Variants in RLIM observed in about 807,000 individuals in gnomAD.
The protein encoded by RLIM is ring finger protein, LIM domain interacting, also known as E3 ubiquitin-protein ligase RLIM.
Under a neutral mutation model 34.0 loss-of-function variants are expected in RLIM, and 2 were observed. The observed-to-expected ratio is 0.06, with a 90% CI of 0.02 to 0.19. The LOEUF is 0.19. Ranked by LOEUF, RLIM falls within the 10% of genes least tolerant of loss-of-function variation. The probability of loss-of-function intolerance (pLI) is 1.00; values close to 1 mark genes in which losing one functional copy is unlikely to be tolerated. For synonymous variants in RLIM, 169 were observed against 164.0 expected, an observed-to-expected ratio of 1.03 and a Z score of -0.23; for missense variants, 286 against 479.7, an observed-to-expected ratio of 0.60 and a Z score of 3.77.
intron 1 of RLIM, among the ~76,000 whole-genome samples, chrX:74,602,208 C>G (rs2079664277): frequency 9.0e-6 from 1 of 111,278 alleles, no homozygotes; most frequent in African/African-American, 3.3e-5. Context: ...ACCTCGGACA[C>G]TTTATGAAGG....
intron 1 of RLIM, among the ~76,000 whole-genome samples, chrX:74,598,024 C>A (rs945830166): frequency 8.9e-6 from 1 of 111,942 alleles, no homozygotes; most frequent in African/African-American, 3.2e-5. Context: ...GCAAAAAATA[C>A]TTATATATGA....
intron 1 of RLIM, among the ~76,000 whole-genome samples, chrX:74,604,832 AAAGC>A (rs1271875993): frequency 9.0e-6 from 1 of 111,541 alleles, no homozygotes; most frequent in African/African-American, 3.3e-5. Flanking sequence ...ACACACTCAT[AAAGC>A]AACATGTGAA....
chrX:74,613,174 A>C (rs1264356325), intron 1 of RLIM, among the ~76,000 whole-genome samples: 1 of 111,100 alleles, frequency 9.0e-6, no homozygotes, highest in Non-Finnish European at 1.9e-5. Context: ...AATGTACTTA[A>C]TGGGGTGATA....
rs184437293 is a variant in RLIM, at chrX:74,590,255, T to C, written c.*1185A>G. The C allele has an allele frequency of 3.3e-4, 37 of 112,278 alleles. No individual in the cohort carries two copies. Among genetic ancestry groups the C allele is most frequent in the African/African-American group, 1.1e-3 (34 of 30,951 alleles). 9.3% of individuals were successfully genotyped at this position (112,278 alleles called of 1,213,427 possible). Reference sequence around the variant, plus strand: ...TGTAAATTTAACTTGTGCTAGGTAGTAGTGGTTTGTTTTTCTTAAACCAAA... The same window carrying C: ...TGTAAATTTAACTTGTGCTAGGTAGCAGTGGTTTGTTTTTCTTAAACCAAA... On this transcript the variant is annotated 3_prime_UTR_variant, in exon 4 of 4. Transcript: ENST00000332687.
chrX:74,602,236 AC>A (rs201349053), intron 1 of RLIM, among the ~76,000 whole-genome samples: 1,127 of 111,805 alleles, frequency 0.01, 17 homozygotes, highest in African/African-American at 0.035. Context: ...AGCTAAAATA[AC>A]CCATAGTAAA....
chrX:74,604,523 C>A (rs1383915126), intron 1 of RLIM, among the ~76,000 whole-genome samples: 1 of 111,369 alleles, frequency 9.0e-6, no homozygotes. Flanking sequence ...CTATTTGCAT[C>A]CCCTTTATGT....
chrX:74,612,627 G>C (rs770123655), intron 1 of RLIM: 18 of 110,105 alleles, frequency 1.6e-4, no homozygotes, highest in African/African-American at 5.3e-4. Flanking sequence ...CTGGATTTTA[G>C]TTTTCTTCAC....
rs182232890 is a variant in RLIM, at chrX:74,603,396, C to A, written c.-23-7396G>T. On this transcript the variant is annotated intron_variant, in intron 1 of 3. Coordinates refer to ENST00000332687, the MANE Select transcript of RLIM (RefSeq NM_016120.4). The stretch of plus-strand genomic sequence containing the variant: ...CAACGAGATCTTCCCTCCTAAGGAG[C>A]TATTACTATCTCAGCTAGCAATTTT... Among the ~76,000 whole-genome samples the A allele has an allele frequency of 3.6e-5, 4 of 111,255 alleles. No homozygotes were observed. In the East Asian group the frequency reaches 1.1e-3, roughly 32 times the overall value.
At chrX:74,608,009 T>C (rs2079689981) in intron 1 of RLIM, among the ~76,000 whole-genome samples, 1 of 112,460 alleles carries the variant, frequency 8.9e-6, no homozygotes. Flanking sequence ...TTATGGTATT[T>C]GTAACAGAAA....
Position 74,592,943 on chromosome X carries a change from T to C in RLIM, c.372A>G (p.Ala124=), listed in dbSNP as rs1269171678. ...SGQRGNQSWR[A]VSRTNPNSGD... is the part of the protein sequence containing the mutation. The stretch of plus-strand genomic sequence containing the variant: ...CACTGTTTGGATTAGTCCGACTCAC[T>C]GCTCTCCAAGATTGGTTTCCTCTTT... Residue 124 remains alanine, a synonymous_variant, in exon 4 of 4, where the codon GCA becomes GCG. Transcript: ENST00000332687. The C allele has an allele frequency of 8.2e-7, 1 of 1,212,138 alleles. No individual in the cohort carries two copies. The highest frequency in any genetic ancestry group is 1.8e-5 in the South Asian group (1 of 57,031).
rs769411722 is a variant in RLIM at position 74,592,457 on chromosome X, A to T, written c.858T>A (p.Phe286Leu). ...SGPELLSRGLFAASGTRNASQ... is the reference protein window; with the variant it reads ...SGPELLSRGLLAASGTRNASQ... ...AAGCATTTCTTGTTCCAGAAGCTGC[A>T]AAAAGACCTCTACTTAGCAACTCAG... Residue 286 changes from phenylalanine (F) to leucine (L), a missense_variant, in exon 4 of 4, where the codon TTT becomes TTA. Phe to Leu is a conservative substitution (Grantham distance 22). Transcript: ENST00000332687. 15 of 1,212,144 alleles carry T rather than the reference A, an allele frequency of 1.2e-5. No homozygotes were observed. The South Asian group carries it at 2.5e-4, about 20-fold the overall frequency.
intron 2 of RLIM, among the ~76,000 whole-genome samples, chrX:74,595,585 A>C (rs1048525161): frequency 1.8e-5 from 2 of 112,273 alleles, no homozygotes; most frequent in East Asian, 5.5e-4. Context: ...TCAGTTCGCT[A>C]AAAATTCATA....
At chrX:74,599,673 A>G (rs954627639) in intron 1 of RLIM, among the ~76,000 whole-genome samples, 1 of 111,489 alleles carries the variant, frequency 9.0e-6, no homozygotes, top group Non-Finnish European at 1.9e-5. Context: ...CCCTCAACAT[A>G]TATCAAACCT....
chrX:74,611,778 C>G (rs1458050175), intron 1 of RLIM, among the ~76,000 whole-genome samples: 1 of 112,192 alleles, frequency 8.9e-6, no homozygotes, highest in Non-Finnish European at 1.9e-5. Context: ...AGGGCTCCAC[C>G]ACTTAAAGCT....
chrX:74,606,746 T>C (rs2079683770), intron 1 of RLIM, among the ~76,000 whole-genome samples: 1 of 111,648 alleles, frequency 9.0e-6, no homozygotes, highest in African/African-American at 3.3e-5. Context: ...CATCCAAAAA[T>C]ACTGTTAATA....
chrX:74,588,706 T>C lies in RLIM; in HGVS notation c.*2734A>G, dbSNP rs2079598492. On this transcript the variant is annotated 3_prime_UTR_variant, in exon 4 of 4. Coordinates refer to ENST00000332687, the MANE Select transcript of RLIM (RefSeq NM_016120.4). ...TCAAACTAGGTCTTAAAGACAACTT[T>C]TCTGTACTTAAGAAAAAGTGCAAAG... 1 of 112,068 alleles carries C rather than the reference T, an allele frequency of 8.9e-6. No individual in the cohort carries two copies. Among genetic ancestry groups the C allele is most frequent in the African/African-American group, 3.2e-5 (1 of 30,857 alleles). 9.2% of individuals were successfully genotyped at this position (112,068 alleles called of 1,213,427 possible).
Position 74,592,702 on chromosome X carries a change from T to C in RLIM, c.613A>G (p.Thr205Ala). 1 of 1,212,076 alleles carries C rather than the reference T, an allele frequency of 8.3e-7. No individual in the cohort carries two copies. The change falls in exon 4 of 4, where the codon ACC becomes GCC. Residue 205 changes from threonine (T) to alanine (A), a missense_variant. Thr to Ala is a moderately conservative substitution (Grantham distance 58). Around this residue, in one of 6 missense-constraint regions of RLIM, gnomAD observed 121 missense variants for 182.4 expected, o/e 0.66. Coordinates refer to ENST00000332687, the MANE Select transcript of RLIM (RefSeq NM_016120.4). The stretch of plus-strand genomic sequence containing the variant: ...CTTCTTGCCCTCCTCTGACCTCTGG[T>C]AGGTGGGACCTCTGTTAACGCTTCA... The part of the protein sequence containing the change: ...STEALTEVPP[T>A]RGQRRARSRS...
Position 74,589,192 on chromosome X carries a change from T to C in RLIM, c.*2248A>G, listed in dbSNP as rs1459244839. The C allele has an allele frequency of 9.0e-6, 1 of 111,713 alleles. No homozygotes were observed. Among genetic ancestry groups the C allele is most frequent in the Non-Finnish European group, 1.9e-5 (1 of 53,188 alleles). The allele number at this position is 111,713 out of a possible 1,213,427, so 9.2% of individuals were successfully genotyped here. ...GTACCTGTTGTCAATAACTTTCTCT[T>C]ATGCTTAGAATGTGCTGCAATTGTT... On this transcript the variant is annotated 3_prime_UTR_variant, in exon 4 of 4. Transcript: ENST00000332687.
Position 74,591,782 on chromosome X carries a change from C to T in RLIM, c.1533G>A (p.Glu511=), listed in dbSNP as rs778307369. 1 of 1,211,470 alleles carries T rather than the reference C, an allele frequency of 8.3e-7. No homozygotes were observed. The highest frequency in any genetic ancestry group is 1.1e-6 in the Non-Finnish European group (1 of 895,437). The change falls in exon 4 of 4, where the codon GAG becomes GAA. Residue 511 remains glutamate, a synonymous_variant. Coordinates refer to ENST00000332687, the MANE Select transcript of RLIM (RefSeq NM_016120.4). ...ATGTGACTGGGGCCCTATGTCGACC[C>T]TCTCGCCTGGCACCTGATGAGCCTG... ...SSSGSSGARR[E]GRHRAPVTFD... is the part of the protein sequence containing the mutation.
Sources: gnomAD v4.1 joint callset for allele counts (sites outside exome capture counted in the v4.1 genomes callset) on GRCh38, gnomAD v4.1.1 for gene constraint, gnomAD v4.1.1 regional missense constraint, MANE v1.5 for transcripts, NCBI Gene and HGNC (gene_info 2026-07-23, HGNC 2026-07-21) for gene names.